Variants in CR1 observed in about 807,000 individuals in gnomAD.
CR1 encodes complement C3b/C4b receptor 1 (Knops blood group).
In CR1, 116 loss-of-function variants were observed where a neutral mutation model predicts 187.3. The ratio of observed to expected loss-of-function variants is 0.62; its 90% CI spans 0.53 to 0.72. CR1 has a LOEUF of 0.72. Among genes scored for constraint, CR1 ranks in the 30% least tolerant of loss-of-function variants. The probability of loss-of-function intolerance (pLI) is 0.00; values close to 1 mark genes in which losing one functional copy is unlikely to be tolerated. For synonymous variants in CR1, 576 were observed against 747.1 expected (o/e 0.77, Z 3.73); for missense variants, 1,731 against 2,110.7 (o/e 0.82, Z 3.52).
At chr1:207,584,134 G>A (rs545305133) in intron 32 of CR1, among the ~76,000 whole-genome samples, 1 of 152,006 alleles carries the variant, frequency 6.6e-6, no homozygotes, top group East Asian at 1.9e-4. Flanking sequence ...TCTTTCATCT[G>A]TATTTTGAAA....
At chr1:207,632,093 C>T (rs1662662187) in intron 46 of CR1, among the ~76,000 whole-genome samples, 1 of 152,180 alleles carries the variant, frequency 6.6e-6, no homozygotes, top group Non-Finnish European at 1.5e-5. Flanking sequence ...AGATTATGTC[C>T]TATTTTCTCC....
rs1660183123 is a variant in CR1, at chr1:207,526,663, G to T, written c.887-90G>T. The T allele has an allele frequency of 1.2e-5, 18 of 1,480,712 alleles. 3 individuals carry two copies. The highest frequency in any genetic ancestry group is 6.6e-5 in the African/African-American group (4 of 60,306). The allele number at this position is 1,480,712 out of a possible 1,614,324, so 91.7% of individuals were successfully genotyped here. ...TATTCTAACTTTATTATTATATATA[G>T]ATTTGTAATTATTATTCCCTTGGCC... On this transcript the variant is annotated intron_variant, in intron 5 of 46. Transcript: ENST00000367049.
chr1:207,588,963 A>G (rs1661190763), intron 35 of CR1, among the ~76,000 whole-genome samples, 189 bp downstream of exon 35: 1 of 152,210 alleles, frequency 6.6e-6, no homozygotes. Flanking sequence ...AAGGTACAAT[A>G]TGTATTGTAT....
chr1:207,630,181 G>C (rs1051843623), intron 45 of CR1, among the ~76,000 whole-genome samples: 6 of 152,180 alleles, frequency 3.9e-5, no homozygotes, highest in Non-Finnish European at 8.8e-5. Context: ...ATGTTGTGCA[G>C]CTTAAGTGTC....
intron 4 of CR1, among the ~76,000 whole-genome samples, chr1:207,514,992 T>TACACACACAC (rs764790629): frequency 6.9e-5 from 8 of 116,200 alleles, no homozygotes; most frequent in African/African-American, 2.2e-4. Context: ...TATATATATA[T>TACACACACAC]ATACACACAC....
rs1280835473 is a variant in CR1, at chr1:207,617,598, TATATATATATATATAGAGAGAGAGAG to T, written c.6890-471_6890-446del. Among the ~76,000 whole-genome samples, 283 of 38,276 alleles carry T rather than the reference TATATATATATATATAGAGAGAGAGAG, an allele frequency of 7.4e-3. 1 individual carries two copies. Among genetic ancestry groups the T allele is most frequent in the Non-Finnish European group, 9.0e-3 (183 of 20,428 alleles). 25.1% of individuals were successfully genotyped at this position (38,276 alleles called of 152,430 possible). On this transcript the variant is annotated intron_variant, in intron 41 of 46. Coordinates refer to ENST00000367049, the MANE Select transcript of CR1 (RefSeq NM_000651.6). ...GTGTGTATATATATATATATATATATATATATATATATATAGAGAGAGAGAGAGAGAGAGAGAGAGAGAGAGAGAGA... is the reference window on the plus strand; with the variant it reads ...GTGTGTATATATATATATATATATATAGAGAGAGAGAGAGAGAGAGAGAGA...
At chr1:207,600,213 T>C (rs1414264859) in intron 35 of CR1, among the ~76,000 whole-genome samples, 1 of 152,144 alleles carries the variant, frequency 6.6e-6, no homozygotes, top group African/African-American at 2.4e-5. Flanking sequence ...GATGAAGGGA[T>C]TGAGAGCATT....
chr1:207,624,862 G>A (rs1662432701), intron 45 of CR1, among the ~76,000 whole-genome samples: 1 of 152,016 alleles, frequency 6.6e-6, no homozygotes, highest in Non-Finnish European at 1.5e-5. Flanking sequence ...AAGGAGTTGG[G>A]GCTTCTAATT....
intron 31 of CR1, among the ~76,000 whole-genome samples, chr1:207,581,646 G>C (rs755814357): frequency 1.3e-5 from 2 of 152,096 alleles, no homozygotes; most frequent in Non-Finnish European, 2.9e-5. Flanking sequence ...GAAAGAGTAA[G>C]TAGAAATATT....
At chr1:207,507,085 T>C (rs1477807674) in intron 3 of CR1, 11 of 352,130 alleles carry the variant, frequency 3.1e-5, no homozygotes, top group Non-Finnish European at 5.2e-6. Context: ...GGGAAGAGTA[T>C]AGTCAAAGCA....
intron 45 of CR1, among the ~76,000 whole-genome samples, chr1:207,629,004 A>T (rs1662568232): frequency 6.6e-6 from 1 of 152,144 alleles, no homozygotes; most frequent in African/African-American, 2.4e-5. Flanking sequence ...TTCACTAGTT[A>T]AAAATATGCG....
At chr1:207,581,187 C>CATGGACACGTATATGTAGACATATACAT (rs1660928035) in intron 31 of CR1, among the ~76,000 whole-genome samples, 1 of 136,266 alleles carries the variant, frequency 7.3e-6, no homozygotes, top group African/African-American at 3.4e-5. Flanking sequence ...TATGTGTATA[C>CATGGACACGTATATGTAGACATATACAT]ATGGACACGT....
At position 207,640,434 on chromosome 1, in the gene CR1, C is replaced by T. The variant is rs954385159; in HGVS notation, c.*1025C>T. The stretch of plus-strand genomic sequence containing the variant: ...ACAGGCATGAGCCACCGCGCCTGGC[C>T]GCTTTCGATATTTTCTAAACTTTAA... On this transcript the variant is annotated 3_prime_UTR_variant, in exon 47 of 47. Transcript: ENST00000367049. 3 of 152,166 alleles carry T rather than the reference C, an allele frequency of 2.0e-5. No individual in the cohort carries two copies. The highest frequency in any genetic ancestry group is 7.2e-5 in the African/African-American group (3 of 41,412). The allele number at this position is 152,166 out of a possible 1,614,324, so 9.4% of individuals were successfully genotyped here. A position where few individuals can be genotyped will look rare whatever the true frequency, so the allele number is the denominator to read the frequency against.
chr1:207,617,949 C>G, intron 41 of CR1, 122 bp from the exon 42 acceptor site: 7 of 1,035,484 alleles, frequency 6.8e-6, no homozygotes, highest in Non-Finnish European at 9.6e-6. Context: ...TGGCTTATGA[C>G]CTGGCTGGTT....
chr1:207,584,343 TG>T (rs1399132430), intron 32 of CR1, among the ~76,000 whole-genome samples: 1 of 152,214 alleles, frequency 6.6e-6, no homozygotes, highest in Non-Finnish European at 1.5e-5. Flanking sequence ...TCCCCTTTAA[TG>T]TGACTGTGAA....
At chr1:207,526,459 T>C (rs55661118) in intron 5 of CR1, among the ~76,000 whole-genome samples, 5,064 of 150,648 alleles carry the variant, frequency 0.034, 156 homozygotes, top group Middle Eastern at 0.11. Context: ...GAACAGTAAT[T>C]GGAAGCATTC....
At chr1:207,496,443 C>T in intron 1 of CR1, 55 bp downstream of exon 1, 1 of 1,532,122 alleles carries the variant, frequency 6.5e-7, no homozygotes. Flanking sequence ...ACCCGGGGCC[C>T]CGCAGAGAAC....
At chr1:207,628,877 T>A (rs575066739) in intron 45 of CR1, among the ~76,000 whole-genome samples, 1 of 152,336 alleles carries the variant, frequency 6.6e-6, no homozygotes, top group East Asian at 1.9e-4. Flanking sequence ...TTCTGAGTCA[T>A]TAGGCTATAA....
intron 4 of CR1, among the ~76,000 whole-genome samples, 183 bp from the exon 5 acceptor site, chr1:207,523,428 G>A (rs1234140621): frequency 2.6e-5 from 4 of 152,196 alleles, no homozygotes; most frequent in Admixed American, 1.3e-4. Flanking sequence ...ATATCAGTAA[G>A]AAAGGCAGGA....
Sources: gnomAD v4.1 joint callset for allele counts (sites outside exome capture counted in the v4.1 genomes callset) on GRCh38, gnomAD v4.1.1 for gene constraint, MANE v1.5 for transcripts, NCBI Gene and HGNC (gene_info 2026-07-23, HGNC 2026-07-21) for gene names.